The following DIAPH2 variants were observed in gnomAD, a reference collection of about 807,000 sequenced individuals.
DIAPH2 encodes the protein diaphanous related formin 2, also known as protein diaphanous homolog 2.
A neutral mutation model predicts 92.7 loss-of-function variants in DIAPH2; 35 were observed. That is an observed-to-expected ratio of 0.38 (90% confidence interval 0.29 to 0.50). The LOEUF (loss-of-function observed/expected upper bound fraction) is 0.50. Ranked by LOEUF, DIAPH2 falls within the 20% of genes least tolerant of loss-of-function variation. The pLI, the probability that DIAPH2 is intolerant of heterozygous loss-of-function variation, is 0.94. For missense variants in DIAPH2, 701 were observed against 819.5 expected (o/e 0.86, Z 1.77); for synonymous variants, 301 against 280.4 (o/e 1.07, Z -0.73).
At chrX:96,809,999 G>A (rs2064663595) in intron 4 of DIAPH2, among the ~76,000 whole-genome samples, 2 of 112,236 alleles carry the variant, frequency 1.8e-5, no homozygotes, top group African/African-American at 6.5e-5. Context: ...TGTCTTTATA[G>A]TAGCATGATT....
chrX:97,596,714 C>G (rs762286462), intron 26 of DIAPH2, among the ~76,000 whole-genome samples: 1 of 111,931 alleles, frequency 8.9e-6, no homozygotes, highest in East Asian at 2.8e-4. Flanking sequence ...GTGATGCCAA[C>G]TATGAGTCCT....
intron 22 of DIAPH2, among the ~76,000 whole-genome samples, chrX:97,243,311 T>C (rs1227046127): frequency 9.4e-6 from 1 of 105,892 alleles, no homozygotes; most frequent in African/African-American, 3.5e-5. Context: ...CCCTCATGCC[T>C]GCTTCTCTGG....
At chrX:96,927,073 T>G (rs895747365) in intron 9 of DIAPH2, among the ~76,000 whole-genome samples, 6 of 111,428 alleles carry the variant, frequency 5.4e-5, no homozygotes, top group African/African-American at 2.0e-4. Flanking sequence ...TTGTGCGATA[T>G]AATGTGGTAG....
In DIAPH2 at chrX:97,434,510, G is replaced by C. The variant is rs2070160877; in HGVS notation, c.3241+4765G>C. ...TGCAACCTCCGCCTCCCAGGTTCAAGCAATTCTCATGCCTCAGCCTCCTGA... is the reference window on the plus strand; with the variant it reads ...TGCAACCTCCGCCTCCCAGGTTCAACCAATTCTCATGCCTCAGCCTCCTGA... On this transcript the variant is annotated intron_variant, in intron 26 of 26. Transcript: ENST00000324765. Among the ~76,000 whole-genome samples the C allele has an allele frequency of 6.5e-5, 7 of 108,189 alleles. No individual in the cohort carries two copies. The Admixed American group carries it at 7.0e-4, about 11-fold the overall frequency. The allele number at this position is 108,189 out of a possible 115,157, so 93.9% of individuals were successfully genotyped here.
chrX:97,517,635 A>T lies in DIAPH2; in HGVS notation c.3242-81618A>T, dbSNP rs1192234807. ...TACTAATAAAAATTTAAGCCTATTG[A>T]TCTCACCTGAGAAGCTTAAAACATT... On this transcript the variant is annotated intron_variant, in intron 26 of 26. Transcript: ENST00000324765. Among the ~76,000 whole-genome samples the T allele has an allele frequency of 4.4e-5, 5 of 112,673 alleles. 1 individual carries two copies.
chrX:97,588,506 A>C (rs2071493251), intron 26 of DIAPH2, among the ~76,000 whole-genome samples: 1 of 110,832 alleles, frequency 9.0e-6, no homozygotes, highest in Admixed American at 9.6e-5. Context: ...TTATCATTGA[A>C]GTAAAACTCT....
intron 26 of DIAPH2, among the ~76,000 whole-genome samples, chrX:97,593,367 G>A (rs1208502194): frequency 3.6e-5 from 4 of 110,585 alleles, no homozygotes; most frequent in African/African-American, 1.3e-4. Flanking sequence ...AACAAATAGT[G>A]CAGGAACAGC....
chrX:97,326,357 G>A (rs1292828951), intron 23 of DIAPH2, among the ~76,000 whole-genome samples: 2 of 111,699 alleles, frequency 1.8e-5, no homozygotes, highest in Non-Finnish European at 3.8e-5. Flanking sequence ...CAAGGAATGC[G>A]ACCGCCATAT....
intron 24 of DIAPH2, among the ~76,000 whole-genome samples, chrX:97,377,943 A>G (rs1430780281): frequency 1.8e-5 from 2 of 111,080 alleles, no homozygotes; most frequent in Admixed American, 1.9e-4. Context: ...GACTGAAAGA[A>G]ACAATTTAAA....
chrX:96,912,226 A>G lies in DIAPH2; in HGVS notation c.588-102A>G, dbSNP rs2065472968. ...GAAAAAATAATGACAAGCAATATTG[A>G]GACAGAATTATCAGATTTGAAAATT... On this transcript the variant is annotated intron_variant, in intron 5 of 26. Transcript: ENST00000324765. The G allele has an allele frequency of 6.0e-6, 4 of 666,642 alleles. No individual in the cohort carries two copies. The South Asian group carries it at 1.1e-4, about 19-fold the overall frequency. 54.9% of individuals were successfully genotyped at this position (666,642 alleles called of 1,213,427 possible).
chrX:96,789,492 T>C (rs1334564158), intron 4 of DIAPH2, among the ~76,000 whole-genome samples: 1 of 112,196 alleles, frequency 8.9e-6, no homozygotes, highest in Non-Finnish European at 1.9e-5. Flanking sequence ...TTTCTATAAA[T>C]AGCAGTAGTA....
intron 3 of DIAPH2, among the ~76,000 whole-genome samples, chrX:96,749,181 G>A (rs1320016637): frequency 5.1e-5 from 5 of 97,724 alleles, no homozygotes; most frequent in Non-Finnish European, 1.0e-4. Flanking sequence ...TGAGTAAGTA[G>A]CCCTAATATA....
At chrX:96,729,098 C>T (rs1461173835) in intron 1 of DIAPH2, among the ~76,000 whole-genome samples, 1 of 112,066 alleles carries the variant, frequency 8.9e-6, no homozygotes, top group Non-Finnish European at 1.9e-5. Flanking sequence ...GGCCTCCCTA[C>T]TGGGGGCTTC....
chrX:97,101,289 T>C, intron 20 of DIAPH2, among the ~76,000 whole-genome samples: 1 of 110,716 alleles, frequency 9.0e-6, no homozygotes, highest in Non-Finnish European at 1.9e-5. Flanking sequence ...TTGGAAGATG[T>C]ATTAGTTTGC....
At chrX:97,414,818 G>T (rs1276871646) in intron 25 of DIAPH2, among the ~76,000 whole-genome samples, 1 of 111,517 alleles carries the variant, frequency 9.0e-6, no homozygotes, top group Non-Finnish European at 1.9e-5. Flanking sequence ...AGGATTTCAT[G>T]ACTAAAACAC....
In DIAPH2 at chrX:97,218,159, G is replaced by A. The variant is rs781266152; in HGVS notation, c.2720-29556G>A. ...GGCTGGAGTGCAATGGAGCAATCTC[G>A]TCTCACTGCAACCTCCGCCTCCCAG... is the stretch of plus-strand genomic sequence containing the variant. On this transcript the variant is annotated intron_variant, in intron 22 of 26. Transcript: ENST00000324765. 8.5e-5 allele frequency among the ~76,000 whole-genome samples: 9 copies of A among 106,140 alleles called. No homozygotes were observed. The East Asian group carries it at 2.7e-3, about 32-fold the overall frequency. 92.2% of individuals were successfully genotyped at this position (106,140 alleles called of 115,157 possible). A position where few individuals can be genotyped will look rare whatever the true frequency, so the allele number is the denominator to read the frequency against.
intron 4 of DIAPH2, among the ~76,000 whole-genome samples, chrX:96,772,562 G>T (rs748494154): frequency 8.9e-6 from 1 of 112,116 alleles, no homozygotes; most frequent in Admixed American, 9.5e-5. Context: ...AATGCTTTCT[G>T]GGTCTGCATT....
chrX:97,312,122 C>A (rs975695605), intron 23 of DIAPH2, among the ~76,000 whole-genome samples: 1 of 110,899 alleles, frequency 9.0e-6, no homozygotes, highest in Admixed American at 9.7e-5. Flanking sequence ...GCCACCATGC[C>A]GGCCTATCAT....
chrX:96,881,249 T>G (rs1003515894), intron 4 of DIAPH2, among the ~76,000 whole-genome samples: 8 of 111,591 alleles, frequency 7.2e-5, no homozygotes, highest in Admixed American at 1.9e-4. Context: ...TGAATGCTTA[T>G]CCTCTGGGTT....
Sources: gnomAD v4.1 joint callset for allele counts (sites outside exome capture counted in the v4.1 genomes callset) on GRCh38, gnomAD v4.1.1 for gene constraint, MANE v1.5 for transcripts, NCBI Gene and HGNC (gene_info 2026-07-23, HGNC 2026-07-21) for gene names.